Variants in SH3BGRL observed in about 807,000 individuals in gnomAD.
The protein encoded by SH3BGRL is adapter SH3BGRL.
In SH3BGRL, 7 loss-of-function variants were observed where a neutral mutation model predicts 9.8. That is an observed-to-expected ratio of 0.72 (90% confidence interval 0.41 to 1.35). The LOEUF is 1.35. Among genes scored for constraint, SH3BGRL ranks in the 40% most tolerant of loss-of-function variants. The pLI is 0.01. For missense variants in SH3BGRL, 73 were observed against 84.4 expected (o/e 0.86, Z 0.53); for synonymous variants, 36 against 29.1 (o/e 1.24, Z -0.76).
At chrX:81,232,396 GTGATGATGATGATGATGA>G (rs199805990) in intron 1 of SH3BGRL, among the ~76,000 whole-genome samples, 1 of 107,316 alleles carries the variant, frequency 9.3e-6, no homozygotes, top group African/African-American at 3.4e-5. Flanking sequence ...TAGTGAATTA[GTGATGATGATGATGATGA>G]TGATGATGAT....
At chrX:81,204,232 C>A (rs1037440928) in intron 1 of SH3BGRL, among the ~76,000 whole-genome samples, 2 of 112,140 alleles carry the variant, frequency 1.8e-5, no homozygotes, top group Non-Finnish European at 3.8e-5. Flanking sequence ...TATCAAAATT[C>A]TACTTCATAA....
chrX:81,292,243 T>C (rs1181937138), intron 3 of SH3BGRL, among the ~76,000 whole-genome samples: 3 of 111,989 alleles, frequency 2.7e-5, no homozygotes, highest in African/African-American at 9.7e-5. Context: ...TCCTCTGAAA[T>C]CTAGGCCGTG....
At chrX:81,266,393 G>T (rs2075757179) in intron 1 of SH3BGRL, among the ~76,000 whole-genome samples, 1 of 111,497 alleles carries the variant, frequency 9.0e-6, no homozygotes, top group Non-Finnish European at 1.9e-5. Context: ...TAAGGAAGGG[G>T]TACAGTTTCA....
At chrX:81,205,413 A>G (rs775645137) in intron 1 of SH3BGRL, among the ~76,000 whole-genome samples, 2 of 106,084 alleles carry the variant, frequency 1.9e-5, no homozygotes, top group Non-Finnish European at 3.9e-5. Context: ...ACAGAATATC[A>G]TTTTTATGGC....
intron 1 of SH3BGRL, chrX:81,237,381 C>G (rs188186126): frequency 7.0e-6 from 2 of 283,970 alleles, no homozygotes; most frequent in African/African-American, 5.6e-5. Context: ...CCATAACTCC[C>G]TCCCCGACCA....
chrX:81,292,966 T>G (rs2075862958), intron 3 of SH3BGRL, among the ~76,000 whole-genome samples: 1 of 112,249 alleles, frequency 8.9e-6, no homozygotes, highest in Non-Finnish European at 1.9e-5. Flanking sequence ...TTAAGAAAGT[T>G]TATGACTTTG....
chrX:81,210,275 T>C (rs1331550703), intron 1 of SH3BGRL, among the ~76,000 whole-genome samples: 1 of 111,747 alleles, frequency 8.9e-6, no homozygotes. Context: ...TCATTATAAG[T>C]GCAGCATGTT....
At chrX:81,233,286 G>A (rs2075638472) in intron 1 of SH3BGRL, among the ~76,000 whole-genome samples, 1 of 111,928 alleles carries the variant, frequency 8.9e-6, no homozygotes, top group Non-Finnish European at 1.9e-5. Flanking sequence ...TATTTATTCA[G>A]TCTATAGATA....
intron 1 of SH3BGRL, among the ~76,000 whole-genome samples, chrX:81,250,024 CT>C (rs1177904696): frequency 1.3e-3 from 131 of 101,411 alleles, no homozygotes; most frequent in Middle Eastern, 5.1e-3. Flanking sequence ...AAGGTTTTAA[CT>C]TTTTTTTTTT....
At chrX:81,224,873 G>A (rs928176601) in intron 1 of SH3BGRL, among the ~76,000 whole-genome samples, 1 of 110,195 alleles carries the variant, frequency 9.1e-6, no homozygotes, top group Non-Finnish European at 1.9e-5. Context: ...CTGGAGTTGG[G>A]AACACTTTTT....
At chrX:81,254,953 C>T (rs904547785) in intron 1 of SH3BGRL, among the ~76,000 whole-genome samples, 5 of 106,157 alleles carry the variant, frequency 4.7e-5, no homozygotes, top group African/African-American at 1.4e-4. Context: ...TGCAGTGGCA[C>T]GATCTCGGCT....
At chrX:81,278,274 C>CT in intron 2 of SH3BGRL, 57 bp from the exon 3 acceptor site, 2 of 908,370 alleles carry the variant, frequency 2.2e-6, no homozygotes, top group Non-Finnish European at 3.1e-6. Context: ...AATAAATTTC[C>CT]TTTTTTTCTT....
At chrX:81,220,890 A>G (rs113033168) in intron 1 of SH3BGRL, among the ~76,000 whole-genome samples, 175 of 110,926 alleles carry the variant, frequency 1.6e-3, no homozygotes, top group African/African-American at 5.6e-3. Context: ...ACTCAGGAGC[A>G]TATTGTCTTA....
At chrX:81,282,729 A>G (rs954968604) in intron 3 of SH3BGRL, among the ~76,000 whole-genome samples, 3 of 111,997 alleles carry the variant, frequency 2.7e-5, no homozygotes, top group African/African-American at 9.7e-5. Context: ...AAAAAGTCTG[A>G]AAGAGCACAA....
intron 3 of SH3BGRL, among the ~76,000 whole-genome samples, chrX:81,278,933 A>G (rs1283383222): frequency 8.9e-6 from 1 of 112,404 alleles, no homozygotes; most frequent in Non-Finnish European, 1.9e-5. Flanking sequence ...CAGCATTTTC[A>G]GGAGAGACCA....
intron 1 of SH3BGRL, among the ~76,000 whole-genome samples, chrX:81,228,151 T>C (rs2075622625): frequency 1.8e-5 from 2 of 112,161 alleles, no homozygotes; most frequent in South Asian, 7.5e-4. Context: ...GAACCATATC[T>C]AAGTGACCAA....
chrX:81,282,690 G>C, intron 3 of SH3BGRL, among the ~76,000 whole-genome samples: 1 of 111,594 alleles, frequency 9.0e-6, no homozygotes, highest in African/African-American at 3.3e-5. Flanking sequence ...GTGCTAAGAG[G>C]AAAGTTTATG....
At chrX:81,267,488 T>C (rs1041296959) in intron 1 of SH3BGRL, among the ~76,000 whole-genome samples, 1 of 112,148 alleles carries the variant, frequency 8.9e-6, no homozygotes, top group African/African-American at 3.2e-5. Flanking sequence ...TCGTTGGTTC[T>C]GTTTATGTGA....
At chrX:81,280,849 G>T (rs1794114679) in intron 3 of SH3BGRL, among the ~76,000 whole-genome samples, 1 of 111,381 alleles carries the variant, frequency 9.0e-6, no homozygotes, top group South Asian at 3.8e-4. Context: ...AAAGAATTCA[G>T]GGGGTTAGTT....
Sources: allele counts gnomAD v4.1 joint callset (sites outside exome capture counted in the v4.1 genomes callset), GRCh38; gene constraint gnomAD v4.1.1; transcripts MANE v1.5; gene names NCBI Gene and HGNC (gene_info 2026-07-23, HGNC 2026-07-21).